Variants in CAB39 observed in about 807,000 individuals in gnomAD.
CAB39 encodes the protein calcium-binding protein 39.
A neutral mutation model predicts 40.0 loss-of-function variants in CAB39; 8 were observed. The ratio of observed to expected loss-of-function variants is 0.20; its 90% CI spans 0.12 to 0.36. The LOEUF (loss-of-function observed/expected upper bound fraction) is 0.36, where lower values mean the gene tolerates loss of function less well. Among genes scored for constraint, CAB39 ranks in the 10% least tolerant of loss-of-function variants. The pLI, the probability that CAB39 is intolerant of heterozygous loss-of-function variation, is 1.00. For missense variants in CAB39, 270 were observed against 401.1 expected (o/e 0.67, Z 2.79); for synonymous variants, 156 against 141.6 (o/e 1.10, Z -0.72).
At chr2:230,797,723 G>A (rs962016344) in intron 4 of CAB39, among the ~76,000 whole-genome samples, 4 of 152,140 alleles carry the variant, frequency 2.6e-5, no homozygotes, top group African/African-American at 9.7e-5. Flanking sequence ...TAGGCAACAG[G>A]TGAAGACCTC....
chr2:230,779,584 T>C (rs569423728), intron 2 of CAB39: 1 of 152,206 alleles, frequency 6.6e-6, no homozygotes, highest in Non-Finnish European at 1.5e-5. Context: ...AACTGGTACA[T>C]AGAAATGTAG....
At chr2:230,810,191 G>A in intron 5 of CAB39, 72 bp from the exon 6 acceptor site, 1 of 685,790 alleles carries the variant, frequency 1.5e-6, no homozygotes, top group Non-Finnish European at 2.6e-6. Flanking sequence ...AGGTAAAATG[G>A]TGTGGAATTT....
Position 230,736,645 on chromosome 2 carries a change from T to A in CAB39, c.-43-23314T>A, listed in dbSNP as rs180897315. 3.0e-4 allele frequency among the ~76,000 whole-genome samples: 45 copies of A among 152,330 alleles called. No individual in the cohort carries two copies. The East Asian group carries it at 7.1e-3, about 24-fold the overall frequency. On this transcript the variant is annotated intron_variant, in intron 1 of 8. Transcript: ENST00000258418. ...TGTAATCGAGACCCTGTGGATCCTT[T>A]ATTAATGCGAGCTCTGGGTCCTTAA...
chr2:230,732,262 T>A (rs1694706048), intron 1 of CAB39, among the ~76,000 whole-genome samples: 1 of 152,134 alleles, frequency 6.6e-6, no homozygotes, highest in Non-Finnish European at 1.5e-5. Context: ...TTTGTATTTT[T>A]TAGTGGAGAC....
At chr2:230,749,646 G>A (rs1323744119) in intron 1 of CAB39, among the ~76,000 whole-genome samples, 4 of 151,972 alleles carry the variant, frequency 2.6e-5, no homozygotes, top group African/African-American at 9.7e-5. Context: ...TTTTCATATC[G>A]GTAGAAATCC....
chr2:230,766,424 C>T (rs1246861501), intron 2 of CAB39, among the ~76,000 whole-genome samples: 1 of 152,180 alleles, frequency 6.6e-6, no homozygotes, highest in Non-Finnish European at 1.5e-5. Context: ...CCAGATCTCG[C>T]ATGAACTCAC....
At chr2:230,784,483 T>G (rs1484416974) in intron 2 of CAB39, among the ~76,000 whole-genome samples, 1 of 152,044 alleles carries the variant, frequency 6.6e-6, no homozygotes, top group Non-Finnish European at 1.5e-5. Context: ...GTCTAGAGAA[T>G]AAGAAGAGGA....
intron 1 of CAB39, among the ~76,000 whole-genome samples, chr2:230,714,318 G>C (rs1233795253): frequency 6.6e-6 from 1 of 152,210 alleles, no homozygotes; most frequent in Non-Finnish European, 1.5e-5. Context: ...AGGAGGCCCA[G>C]TCAGGAGTTG....
intron 5 of CAB39, among the ~76,000 whole-genome samples, chr2:230,801,252 G>T (rs1271378863): frequency 6.6e-6 from 1 of 152,156 alleles, no homozygotes; most frequent in Non-Finnish European, 1.5e-5. Flanking sequence ...TAAACTAGCA[G>T]ACAGGTGGAA....
intron 1 of CAB39, among the ~76,000 whole-genome samples, chr2:230,749,913 A>C (rs747046736): frequency 1.3e-5 from 2 of 152,224 alleles, no homozygotes; most frequent in Non-Finnish European, 2.9e-5. Flanking sequence ...TAGACACTGC[A>C]TAAGAGTTGC....
At chr2:230,718,610 A>G (rs971029921) in intron 1 of CAB39, among the ~76,000 whole-genome samples, 1 of 152,114 alleles carries the variant, frequency 6.6e-6, no homozygotes, top group Non-Finnish European at 1.5e-5. Context: ...ACCATATCTG[A>G]GAGGGTTGTA....
chr2:230,752,042 C>CCCA (rs1491104504), intron 1 of CAB39: 2 of 101,194 alleles, frequency 2.0e-5, no homozygotes, highest in Admixed American at 9.2e-5. Context: ...CCCCCCCCCC[C>CCCA]CACATACACA....
chr2:230,781,513 G>A (rs1367793470), intron 2 of CAB39, among the ~76,000 whole-genome samples: 3 of 152,210 alleles, frequency 2.0e-5, no homozygotes, highest in Non-Finnish European at 4.4e-5. Flanking sequence ...GATTATGTAG[G>A]GGAGCCAAGA....
intron 5 of CAB39, among the ~76,000 whole-genome samples, chr2:230,806,247 C>A (rs1246063600): frequency 6.6e-6 from 1 of 152,078 alleles, no homozygotes; most frequent in East Asian, 1.9e-4. Context: ...TGATTGAAAT[C>A]AGACAATAAA....
At chr2:230,781,942 G>A (rs1412794474) in intron 2 of CAB39, among the ~76,000 whole-genome samples, 1 of 152,116 alleles carries the variant, frequency 6.6e-6, no homozygotes, top group Non-Finnish European at 1.5e-5. Context: ...TCGGCTCACT[G>A]CAACCTCTGT....
rs550010732 is a variant in CAB39, at chr2:230,806,500, T to C, written c.568-3763T>C. ...ACACTTTAAGAGGCACATAGACAAA[T>C]AGATGACTTTCAGAAGACAGTAGAT... On this transcript the variant is annotated intron_variant, in intron 5 of 8. Coordinates refer to ENST00000258418, the MANE Select transcript of CAB39 (RefSeq NM_016289.4). 3.9e-5 allele frequency among the ~76,000 whole-genome samples: 6 copies of C among 152,140 alleles called. No homozygotes were observed. In the South Asian group the frequency reaches 1.0e-3, roughly 26 times the overall value.
intron 2 of CAB39, among the ~76,000 whole-genome samples, chr2:230,772,704 G>A (rs1464324450): frequency 6.6e-6 from 1 of 151,774 alleles, no homozygotes; most frequent in East Asian, 1.9e-4. Context: ...CCAGGATGGT[G>A]TCGATCTCCT....
intron 1 of CAB39, among the ~76,000 whole-genome samples, chr2:230,739,635 C>T (rs150477349): frequency 0.049 from 7,458 of 152,310 alleles, 243 homozygotes; most frequent in Non-Finnish European, 0.074. Context: ...GCTAGGATTA[C>T]AGGCATGCGC....
At chr2:230,790,824 A>C (rs1192007940) in intron 2 of CAB39, 48 bp from the exon 3 acceptor site, 1 of 1,499,450 alleles carries the variant, frequency 6.7e-7, no homozygotes, top group African/African-American at 1.4e-5. Flanking sequence ...ATGTTTGTTA[A>C]AATGAATTGT....
Sources: gnomAD v4.1 joint callset for allele counts (sites outside exome capture counted in the v4.1 genomes callset) on GRCh38, gnomAD v4.1.1 for gene constraint, MANE v1.5 for transcripts, NCBI Gene and HGNC (gene_info 2026-07-23, HGNC 2026-07-21) for gene names.